Variants in TMEM184B observed in about 807,000 individuals in gnomAD.
TMEM184B encodes the protein putative MAPK-activating protein FM08.
Under a neutral mutation model 41.8 loss-of-function variants are expected in TMEM184B, and 17 were observed. The ratio of observed to expected loss-of-function variants is 0.41; its 90% CI spans 0.28 to 0.61. The LOEUF is 0.61. Among genes scored for constraint, TMEM184B ranks in the 20% least tolerant of loss-of-function variants. TMEM184B has a pLI of 0.34. For missense variants in TMEM184B, 393 were observed against 557.8 expected, an observed-to-expected ratio of 0.70 and a Z score of 2.98; for synonymous variants, 240 against 229.5, an observed-to-expected ratio of 1.05 and a Z score of -0.41.
chr22:38,222,531 C>T, intron 8 of TMEM184B: 1 of 942,300 alleles, frequency 1.1e-6, no homozygotes, highest in Non-Finnish European at 1.3e-6. Context: ...CCAGGGGGTG[C>T]CGGTGGGGAG....
rs1060941 is a variant in TMEM184B at position 38,226,445 on chromosome 22, G to A, written c.617+334C>T. The A allele has an allele frequency of 6.9e-6, 2 of 290,536 alleles. No individual in the cohort carries two copies. The highest frequency in any genetic ancestry group is 8.3e-5 in the Admixed American group (2 of 23,962). The allele number at this position is 290,536 out of a possible 1,614,324, so 18.0% of individuals were successfully genotyped here. A position where few individuals can be genotyped will look rare whatever the true frequency, so the allele number is the denominator to read the frequency against. The stretch of plus-strand genomic sequence containing the variant: ...GGACAATTTACACAGCACGGGCTTT[G>A]TATCTGTGGACTTGAGCCGACCTCT... On this transcript the variant is annotated intron_variant, in intron 6 of 8. Transcript: ENST00000361906. This position sits in a 1 kb window ranked among gnomAD's most constrained non-coding sequence, Gnocchi z 4.6.
intron 5 of TMEM184B, 131 bp from the exon 6 acceptor site, chr22:38,227,001 G>A: frequency 1.1e-6 from 1 of 908,658 alleles, no homozygotes; most frequent in Non-Finnish European, 1.7e-6. Flanking sequence ...AGGACGGAGG[G>A]ATGGAGGGAC....
At chr22:38,246,295 C>G (rs377718878) in intron 2 of TMEM184B, among the ~76,000 whole-genome samples, 195 bp from the exon 3 acceptor site, 50 of 152,330 alleles carry the variant, frequency 3.3e-4, no homozygotes, top group African/African-American at 1.2e-3. Context: ...CTCAGACCAG[C>G]GGGCGTGCAC....
rs748787020 is a variant in TMEM184B, at chr22:38,225,399, C to A, written c.787+25G>T. The A allele has an allele frequency of 3.4e-5, 53 of 1,536,514 alleles. 1 individual carries two copies. In the Admixed American group the frequency reaches 8.4e-4, roughly 24 times the overall value. Reference sequence around the variant, plus strand: ...CAGAGGACAGGGTGGCATGGGCAGCCTCCAGGTGCTGGGAGGGGGCTCACC... The same window carrying A: ...CAGAGGACAGGGTGGCATGGGCAGCATCCAGGTGCTGGGAGGGGGCTCACC... On this transcript the variant is annotated intron_variant, in intron 7 of 8. Coordinates refer to ENST00000361906, the MANE Select transcript of TMEM184B (RefSeq NM_012264.5). This position sits in a 1 kb window ranked among gnomAD's most constrained non-coding sequence, Gnocchi z 4.4.
chr22:38,221,732 G>A, intron 8 of TMEM184B, 22 bp from the exon 9 acceptor site: 1 of 1,611,350 alleles, frequency 6.2e-7, no homozygotes, highest in Non-Finnish European at 8.5e-7. Context: ...GGAGCGGGAG[G>A]GGCAGGTGAG....
intron 1 of TMEM184B, among the ~76,000 whole-genome samples, chr22:38,261,733 C>T (rs768353051): frequency 9.2e-5 from 14 of 152,176 alleles, no homozygotes; most frequent in African/African-American, 2.4e-4. Context: ...GGGCACTGAG[C>T]GGATAGGTCC....
At position 38,220,105 on chromosome 22, in the gene TMEM184B, G is replaced by C; in HGVS notation, c.*1364C>G. The stretch of plus-strand genomic sequence containing the variant: ...GGATAATCTGGGTTTTAAATGCCAG[G>C]ACACTTTGCCTGTAGGGACACGTGT... On this transcript the variant is annotated 3_prime_UTR_variant, in exon 9 of 9. Coordinates refer to ENST00000361906, the MANE Select transcript of TMEM184B (RefSeq NM_012264.5). 1.0e-6 allele frequency: 1 copy of C among 985,474 alleles called. No homozygotes were observed. Among genetic ancestry groups the C allele is most frequent in the Non-Finnish European group, 1.2e-6 (1 of 829,962 alleles). The allele number at this position is 985,474 out of a possible 1,614,324, so 61.0% of individuals were successfully genotyped here. A position where few individuals can be genotyped will look rare whatever the true frequency, so the allele number is the denominator to read the frequency against.
rs558899748 is a variant in TMEM184B, at chr22:38,226,241, G to C, written c.617+538C>G. ...ATTATAGGCACCCGTCACCACGCCC[G>C]GTTAATTTTTTGTATTTTTAGTAGT... On this transcript the variant is annotated intron_variant, in intron 6 of 8. Coordinates refer to ENST00000361906, the MANE Select transcript of TMEM184B (RefSeq NM_012264.5). The surrounding 1 kb of genome is among the most constrained non-coding windows in gnomAD (Gnocchi z 4.6). 2.5e-3 allele frequency: 388 copies of C among 153,244 alleles called. 2 individuals are homozygous for C. Among genetic ancestry groups the C allele is most frequent in the African/African-American group, 8.9e-3 (370 of 41,360 alleles). The allele number at this position is 153,244 out of a possible 1,614,324, so 9.5% of individuals were successfully genotyped here. A position where few individuals can be genotyped will look rare whatever the true frequency, so the allele number is the denominator to read the frequency against.
chr22:38,225,622 G>C lies in TMEM184B; in HGVS notation c.618-29C>G. Reference sequence around the variant, plus strand: ...CGGGACGGGGAGCATTTTCTGGCTGGGACAGACCCTTGGAGGGAAGGGGCT... The same window carrying C: ...CGGGACGGGGAGCATTTTCTGGCTGCGACAGACCCTTGGAGGGAAGGGGCT... On this transcript the variant is annotated intron_variant, in intron 6 of 8. Transcript: ENST00000361906. This position sits in a 1 kb window ranked among gnomAD's most constrained non-coding sequence, Gnocchi z 4.4. The C allele has an allele frequency of 6.3e-7, 1 of 1,590,448 alleles. No individual in the cohort carries two copies. The highest frequency in any genetic ancestry group is 8.5e-7 in the Non-Finnish European group (1 of 1,171,736).
chr22:38,238,267 G>A (rs191714414), intron 3 of TMEM184B, among the ~76,000 whole-genome samples: 12 of 141,982 alleles, frequency 8.5e-5, no homozygotes, highest in Non-Finnish European at 1.5e-4. Flanking sequence ...TCTCGCTGTC[G>A]CAGGCCGGAG....
chr22:38,240,725 A>G (rs1449993611), intron 3 of TMEM184B, among the ~76,000 whole-genome samples: 1 of 144,578 alleles, frequency 6.9e-6, no homozygotes, highest in Non-Finnish European at 1.5e-5. Context: ...AGGGGGGGAA[A>G]AAAAGGCAAA....
At position 38,232,708 on chromosome 22, in the gene TMEM184B, G is replaced by A. The variant is rs1231226305; in HGVS notation, c.359-1374C>T. Among the ~76,000 whole-genome samples, 9 of 152,086 alleles carry A rather than the reference G, an allele frequency of 5.9e-5. No individual in the cohort carries two copies. In the East Asian group the frequency reaches 7.7e-4, roughly 13 times the overall value. On this transcript the variant is annotated intron_variant, in intron 3 of 8. Coordinates refer to ENST00000361906, the MANE Select transcript of TMEM184B (RefSeq NM_012264.5). ...GAGTCCTTTTAGGCTCCCTGGTGCC[G>A]CCCAGCTTGGCACTTGATCTTTCAA...
rs183530760 is a variant in TMEM184B at position 38,226,668 on chromosome 22, C to T, written c.617+111G>A. 116 of 1,091,174 alleles carry T rather than the reference C, an allele frequency of 1.1e-4. No homozygotes were observed. Among genetic ancestry groups the T allele is most frequent in the Middle Eastern group, 8.4e-4 (3 of 3,564 alleles). The allele number at this position is 1,091,174 out of a possible 1,614,324, so 67.6% of individuals were successfully genotyped here. ...TCAGGGGGGTTGTGAGCACCAGACA[C>T]CCAGGAAGGTCATGGCTGTGCGGCC... On this transcript the variant is annotated intron_variant, in intron 6 of 8. Transcript: ENST00000361906. This position sits in a 1 kb window ranked among gnomAD's most constrained non-coding sequence, Gnocchi z 4.6.
intron 5 of TMEM184B, among the ~76,000 whole-genome samples, chr22:38,229,039 T>C (rs1411453250): frequency 2.6e-5 from 4 of 152,204 alleles, no homozygotes; most frequent in African/African-American, 7.2e-5. Context: ...TTTAGGAACA[T>C]GCTAGGGAAG....
At chr22:38,258,736 T>A (rs2145753497) in intron 1 of TMEM184B, among the ~76,000 whole-genome samples, 1 of 152,266 alleles carries the variant, frequency 6.6e-6, no homozygotes, top group South Asian at 2.1e-4. Flanking sequence ...GGAAGATAGT[T>A]TTAAAGGCCA....
At position 38,245,934 on chromosome 22, in the gene TMEM184B, C is replaced by A; in HGVS notation, c.358+1G>T. 6.7e-7 allele frequency: 1 copy of A among 1,490,956 alleles called. No individual in the cohort carries two copies. Among genetic ancestry groups the A allele is most frequent in the Non-Finnish European group, 9.1e-7 (1 of 1,101,780 alleles). 92.4% of individuals were successfully genotyped at this position (1,490,956 alleles called of 1,614,324 possible). On this transcript the variant is annotated splice_donor_variant, in intron 3 of 8. Coordinates refer to ENST00000361906, the MANE Select transcript of TMEM184B (RefSeq NM_012264.5). LOFTEE classifies it high-confidence loss of function. ...CCTCCCCACTCCGTCCCCATCCTCA[C>A]CCTCATAGCAGTCGCGGACGGTGCC...
intron 8 of TMEM184B, chr22:38,224,075 T>A (rs1249963646): frequency 2.6e-5 from 4 of 152,244 alleles, no homozygotes; most frequent in African/African-American, 9.6e-5. Context: ...TGTTAAAACC[T>A]ATTACCATCC....
intron 1 of TMEM184B, among the ~76,000 whole-genome samples, chr22:38,260,656 G>C (rs2092356836): frequency 6.6e-6 from 1 of 152,198 alleles, no homozygotes; most frequent in South Asian, 2.1e-4. Context: ...CTCTGAGAGA[G>C]AGGGACGGAA....
chr22:38,221,785 T>G (rs2091268362), intron 8 of TMEM184B, 75 bp from the exon 9 acceptor site: 1 of 1,568,628 alleles, frequency 6.4e-7, no homozygotes, highest in South Asian at 1.2e-5. Context: ...CCCCTGCCCG[T>G]GATCCTGGGA....
Sources: gnomAD v4.1 joint callset for allele counts (sites outside exome capture counted in the v4.1 genomes callset) on GRCh38, gnomAD v4.1.1 for gene constraint, Gnocchi (gnomAD v3.1) non-coding constraint, MANE v1.5 for transcripts, NCBI Gene and HGNC (gene_info 2026-07-23, HGNC 2026-07-21) for gene names.